Variants in TMCC1 observed in about 807,000 individuals in gnomAD.
TMCC1 encodes the protein transmembrane and coiled-coil domains protein 1.
In TMCC1, 15 loss-of-function variants were observed where a neutral mutation model predicts 52.4. The ratio of observed to expected loss-of-function variants is 0.29; its 90% CI spans 0.19 to 0.44. TMCC1 has a LOEUF of 0.44. Ranked by LOEUF, TMCC1 falls within the 20% of genes least tolerant of loss-of-function variation. The probability of loss-of-function intolerance (pLI) is 1.00; values close to 1 mark genes in which losing one functional copy is unlikely to be tolerated. For missense variants in TMCC1, 503 were observed against 806.0 expected (o/e 0.62, Z 4.55); for synonymous variants, 279 against 301.9 (o/e 0.92, Z 0.79).
chr3:129,663,455 T>C (rs988911284), intron 5 of TMCC1, among the ~76,000 whole-genome samples: 2 of 152,002 alleles, frequency 1.3e-5, no homozygotes, highest in African/African-American at 4.8e-5. Context: ...AGAGACACAG[T>C]TGGGGTAGGG....
At chr3:129,735,628 G>A (rs571023146) in intron 4 of TMCC1, among the ~76,000 whole-genome samples, 1 of 134,712 alleles carries the variant, frequency 7.4e-6, no homozygotes, top group South Asian at 2.4e-4. Flanking sequence ...CAGCCTGGGC[G>A]ACAGAGCCAA....
At chr3:129,749,964 G>A (rs968597614) in intron 4 of TMCC1, among the ~76,000 whole-genome samples, 3 of 152,086 alleles carry the variant, frequency 2.0e-5, no homozygotes, top group African/African-American at 7.2e-5. Context: ...GTTCTTCTCT[G>A]TCAATTTACA....
chr3:129,774,905 C>T (rs996702523), intron 4 of TMCC1, among the ~76,000 whole-genome samples: 12 of 151,982 alleles, frequency 7.9e-5, no homozygotes, highest in Admixed American at 2.0e-4. Flanking sequence ...GAACTTTATC[C>T]TAAGGGAGGT....
At chr3:129,832,404 C>CA (rs921518781) in intron 3 of TMCC1, among the ~76,000 whole-genome samples, 6 of 151,954 alleles carry the variant, frequency 3.9e-5, no homozygotes, top group Non-Finnish European at 5.9e-5. Context: ...GGAAGGGGGA[C>CA]AAAAAACGCA....
At chr3:129,698,410 G>A (rs1016870892) in intron 4 of TMCC1, among the ~76,000 whole-genome samples, 1 of 152,108 alleles carries the variant, frequency 6.6e-6, no homozygotes, top group Admixed American at 6.6e-5. Context: ...GGGGATTATG[G>A]GAACTACAAT....
At position 129,759,294 on chromosome 3, in the gene TMCC1, G is replaced by A. The variant is rs371527647; in HGVS notation, c.576+68509C>T. ...TTTTTTTTTTTTTTTTTGAGACAGA[G>A]CCTTGCTCTGTTGCCCAGGCTGGAG... is the stretch of plus-strand genomic sequence containing the variant. On this transcript the variant is annotated intron_variant, in intron 4 of 6. Coordinates refer to ENST00000393238, the MANE Select transcript of TMCC1 (RefSeq NM_001017395.5). Among the ~76,000 whole-genome samples the A allele has an allele frequency of 4.1e-5, 6 of 147,476 alleles. No individual in the cohort carries two copies. In the East Asian group the frequency reaches 1.2e-3, roughly 29 times the overall value.
intron 2 of TMCC1, among the ~76,000 whole-genome samples, chr3:129,854,318 G>T (rs1325238085): frequency 6.6e-6 from 1 of 151,636 alleles, no homozygotes; most frequent in Non-Finnish European, 1.5e-5. Context: ...CTCAAACCTG[G>T]GAGGCGGAAG....
chr3:129,665,502 G>A (rs960210045), intron 5 of TMCC1, among the ~76,000 whole-genome samples: 1 of 152,150 alleles, frequency 6.6e-6, no homozygotes, highest in African/African-American at 2.4e-5. Flanking sequence ...TATTTACACT[G>A]CTGTACTGGC....
intron 4 of TMCC1, among the ~76,000 whole-genome samples, chr3:129,816,645 A>G (rs990808270): frequency 2.6e-5 from 4 of 152,186 alleles, no homozygotes; most frequent in African/African-American, 9.6e-5. Flanking sequence ...GGGGTCTGAT[A>G]GAAGAAATAG....
At chr3:129,889,737 C>T (rs189339016) in intron 1 of TMCC1, among the ~76,000 whole-genome samples, 1 of 151,632 alleles carries the variant, frequency 6.6e-6, no homozygotes, top group East Asian at 1.9e-4. Context: ...AGCTTGTTGT[C>T]GCAGAGTGAA....
intron 4 of TMCC1, among the ~76,000 whole-genome samples, chr3:129,721,571 C>T (rs1372004358): frequency 2.6e-5 from 4 of 151,914 alleles, no homozygotes; most frequent in African/African-American, 2.4e-5. Context: ...CTTCACAAAG[C>T]ATGTGCAGGC....
intron 2 of TMCC1, among the ~76,000 whole-genome samples, chr3:129,859,563 G>A (rs1032586396): frequency 6.6e-6 from 1 of 151,750 alleles, no homozygotes; most frequent in African/African-American, 2.4e-5. Context: ...CTTGAGCCTG[G>A]CAAGCCGAGG....
chr3:129,721,066 C>T (rs1396296937), intron 4 of TMCC1, among the ~76,000 whole-genome samples: 1 of 152,104 alleles, frequency 6.6e-6, no homozygotes, highest in Non-Finnish European at 1.5e-5. Flanking sequence ...CTCTCACACT[C>T]CCAATTCCTG....
intron 4 of TMCC1, among the ~76,000 whole-genome samples, chr3:129,822,073 A>C (rs2058449753): frequency 6.6e-6 from 1 of 151,994 alleles, no homozygotes. Context: ...AAATATAAAT[A>C]CATATATTTA....
chr3:129,840,326 C>CAAAAAAAA (rs368685429), intron 2 of TMCC1, among the ~76,000 whole-genome samples: 2 of 88,264 alleles, frequency 2.3e-5, no homozygotes, highest in African/African-American at 5.0e-5. Context: ...GAACCTGTCT[C>CAAAAAAAA]AAAAAAAAAA....
rs1276522906 is a variant in TMCC1, at chr3:129,655,020, C to T, written c.1595G>A (p.Ser532Asn). 6.2e-7 allele frequency: 1 copy of T among 1,614,100 alleles called. No individual in the cohort carries two copies. Among genetic ancestry groups the T allele is most frequent in the Non-Finnish European group, 8.5e-7 (1 of 1,180,028 alleles). ...CTGATACGCGATTTTTTCTTCCATG[C>T]TTGCCAGTTCCTGCTTCAAGTTCAA... Reference protein sequence around the residue: ...EILNLKQELASMEEKIAYQSY... With the variant: ...EILNLKQELANMEEKIAYQSY... The change falls in exon 6 of 7, where the codon AGC becomes AAC. Residue 532 changes from serine to asparagine, a missense_variant. Ser to Asn is a conservative substitution (Grantham distance 46). Transcript: ENST00000393238.
intron 4 of TMCC1, among the ~76,000 whole-genome samples, chr3:129,728,808 C>G (rs1576605049): frequency 6.6e-6 from 1 of 152,310 alleles, no homozygotes; most frequent in African/African-American, 2.4e-5. Context: ...GAGAGTGTCA[C>G]ATAAACAGAA....
At chr3:129,690,775 T>TA (rs2046978780) in intron 4 of TMCC1, among the ~76,000 whole-genome samples, 1 of 152,240 alleles carries the variant, frequency 6.6e-6, no homozygotes, top group Non-Finnish European at 1.5e-5. Flanking sequence ...TGTCTGGGCC[T>TA]AAAGCAGACT....
Position 129,651,766 on chromosome 3 carries a change from G to A in TMCC1, c.1677C>T (p.Ile559=). Residue 559 remains isoleucine (I), a synonymous_variant, in exon 7 of 7, where the codon ATC becomes ATT. Transcript: ENST00000393238. The surrounding 1 kb of genome is among the most constrained non-coding windows in gnomAD (Gnocchi z 5.1). The part of the protein sequence containing the change: ...QEALEACQTR[I]SKMELQQQQQ... Reference sequence around the variant, plus strand: ...GCTGCTGCTGCAGCTCCATCTTGGAGATGCGCGTCTGGCATGCCTCCAGGG... The same window carrying A: ...GCTGCTGCTGCAGCTCCATCTTGGAAATGCGCGTCTGGCATGCCTCCAGGG... 2 of 1,614,078 alleles carry A rather than the reference G, an allele frequency of 1.2e-6. No homozygotes were observed. The highest frequency in any genetic ancestry group is 1.7e-6 in the Non-Finnish European group (2 of 1,179,914).
Sources: allele counts gnomAD v4.1 joint callset (sites outside exome capture counted in the v4.1 genomes callset), GRCh38; gene constraint gnomAD v4.1.1; non-coding constraint Gnocchi (gnomAD v3.1); transcripts MANE v1.5; gene names NCBI Gene and HGNC (gene_info 2026-07-23, HGNC 2026-07-21).